Variants in ELP4 observed in about 807,000 individuals in gnomAD.
The protein encoded by ELP4 is elongator complex protein 4.
ELP4 carries 51 observed loss-of-function variants against 48.9 expected under a neutral mutation model. That is an observed-to-expected ratio of 1.04 (90% CI 0.83 to 1.32). The LOEUF is 1.32. Among genes scored for constraint, ELP4 ranks in the 40% most tolerant of loss-of-function variants. ELP4 has a pLI of 0.00. For synonymous variants in ELP4, 210 were observed against 189.2 expected (o/e 1.11, Z -0.90); for missense variants, 519 against 514.6 (o/e 1.01, Z -0.08).
chr11:31,770,564 CAA>C (rs374184259), intron 9 of ELP4, among the ~76,000 whole-genome samples: 118 of 107,470 alleles, frequency 1.1e-3, no homozygotes, highest in African/African-American at 2.6e-3. Context: ...ATAAAATTTC[CAA>C]AAAAAAAAAA....
chr11:31,605,444 A>G (rs1957856980), intron 5 of ELP4, among the ~76,000 whole-genome samples: 1 of 152,098 alleles, frequency 6.6e-6, no homozygotes, highest in South Asian at 2.1e-4. Context: ...TAATTTTCCC[A>G]TAATTTTTCA....
chr11:31,537,274 T>C (rs953266678), intron 2 of ELP4, among the ~76,000 whole-genome samples: 2 of 152,184 alleles, frequency 1.3e-5, no homozygotes, highest in African/African-American at 2.4e-5. Flanking sequence ...GACCATTTGT[T>C]ACAAAAAAAA....
chr11:31,513,358 AAGAAAAAGT>A (rs1956045694), intron 1 of ELP4, among the ~76,000 whole-genome samples: 1 of 152,128 alleles, frequency 6.6e-6, no homozygotes, highest in South Asian at 2.1e-4. Context: ...ATGCTTGGGG[AAGAAAAAGT>A]AGAGTTGTTA....
chr11:31,724,571 C>T (rs2134191358), intron 9 of ELP4, among the ~76,000 whole-genome samples: 1 of 152,330 alleles, frequency 6.6e-6, no homozygotes, highest in East Asian at 1.9e-4. Context: ...TTCTCATTAA[C>T]TTTATTTGTG....
In ELP4 at chr11:31,632,306, C is replaced by T; in HGVS notation, c.828C>T (p.Gly276=). Residue 276 remains glycine (G), a synonymous_variant, in exon 7 of 10, where the codon GGC becomes GGT. Transcript: ENST00000640961. The part of the protein sequence containing the change: ...GDDICCAENG[G]NSHSLTKFLY... ...ATATTTGCTGTGCAGAAAATGGTGG[C>T]AACAGTCACAGCCTTACCAAGTTCC... 6.2e-7 allele frequency: 1 copy of T among 1,613,234 alleles called. No individual in the cohort carries two copies. The highest frequency in any genetic ancestry group is 8.5e-7 in the Non-Finnish European group (1 of 1,179,566).
chr11:31,550,826 T>C (rs1445664095), intron 3 of ELP4, among the ~76,000 whole-genome samples: 1 of 152,170 alleles, frequency 6.6e-6, no homozygotes, highest in Non-Finnish European at 1.5e-5. Context: ...TGTTGTTCTT[T>C]GGCCCTCCAG....
At chr11:31,527,421 A>G (rs1956314251) in intron 2 of ELP4, among the ~76,000 whole-genome samples, 1 of 152,014 alleles carries the variant, frequency 6.6e-6, no homozygotes, top group Non-Finnish European at 1.5e-5. Flanking sequence ...AATATCTTAT[A>G]GACATCTAAA....
At chr11:31,701,344 A>G (rs1042667814) in intron 9 of ELP4, among the ~76,000 whole-genome samples, 9 of 152,122 alleles carry the variant, frequency 5.9e-5, no homozygotes, top group Non-Finnish European at 1.0e-4. Flanking sequence ...TGGGATTTTG[A>G]TAAGCTCCTT....
At chr11:31,704,958 C>T (rs1946600339) in intron 9 of ELP4, among the ~76,000 whole-genome samples, 1 of 150,936 alleles carries the variant, frequency 6.6e-6, no homozygotes, top group South Asian at 2.1e-4. Context: ...TTGTGGTGAG[C>T]TGAGATCGCG....
At chr11:31,772,409 C>T (rs534659921) in intron 9 of ELP4, among the ~76,000 whole-genome samples, 2 of 152,296 alleles carry the variant, frequency 1.3e-5, no homozygotes, top group South Asian at 2.1e-4. Context: ...CGTGAGCCAA[C>T]GCACCCGGCC....
intron 1 of ELP4, among the ~76,000 whole-genome samples, chr11:31,513,900 A>G (rs1161018808): frequency 2.0e-5 from 3 of 152,188 alleles, no homozygotes; most frequent in African/African-American, 4.8e-5. Context: ...TTAAGAAAAA[A>G]TGCCTATTTT....
At chr11:31,723,455 A>G (rs539156250) in intron 9 of ELP4, among the ~76,000 whole-genome samples, 6 of 152,252 alleles carry the variant, frequency 3.9e-5, no homozygotes, top group Admixed American at 1.3e-4. Context: ...CAAACACAGA[A>G]CATTAAACCC....
chr11:31,782,195 C>T (rs1252883082), intron 9 of ELP4, among the ~76,000 whole-genome samples: 2 of 152,156 alleles, frequency 1.3e-5, no homozygotes, highest in Non-Finnish European at 2.9e-5. Flanking sequence ...ATCATGTGCA[C>T]ACAGCTTGTG....
At chr11:31,685,415 A>G (rs987332696) in intron 9 of ELP4, among the ~76,000 whole-genome samples, 3 of 152,174 alleles carry the variant, frequency 2.0e-5, no homozygotes, top group Non-Finnish European at 4.4e-5. Flanking sequence ...AAGTTACTGA[A>G]TAATTTACCC....
intron 3 of ELP4, among the ~76,000 whole-genome samples, chr11:31,549,685 C>G (rs1046395470): frequency 4.6e-5 from 7 of 152,124 alleles, no homozygotes; most frequent in Non-Finnish European, 1.0e-4. Flanking sequence ...GACACATGTA[C>G]ACGTATGTTT....
intron 9 of ELP4, among the ~76,000 whole-genome samples, chr11:31,735,440 C>A (rs1947289950): frequency 6.6e-6 from 1 of 152,200 alleles, no homozygotes; most frequent in Non-Finnish European, 1.5e-5. Flanking sequence ...TCTCTCACCA[C>A]TCCTATTCAA....
In ELP4 at chr11:31,790,228, C is replaced by T; in HGVS notation, c.*6704C>T. ...TATATGTATATATACCTATTGGATCCCAAGTACCCCCCACCCCAATCCAAA... is the reference window on the plus strand; with the variant it reads ...TATATGTATATATACCTATTGGATCTCAAGTACCCCCCACCCCAATCCAAA... On this transcript the variant is annotated 3_prime_UTR_variant, in exon 10 of 10. Coordinates refer to ENST00000640961, the MANE Select transcript of ELP4 (RefSeq NM_019040.5). 1.9e-6 allele frequency: 1 copy of T among 540,306 alleles called. No individual in the cohort carries two copies. Among genetic ancestry groups the T allele is most frequent in the Non-Finnish European group, 3.2e-6 (1 of 315,790 alleles). The allele number at this position is 540,306 out of a possible 1,614,324, so 33.5% of individuals were successfully genotyped here. A position where few individuals can be genotyped will look rare whatever the true frequency, so the allele number is the denominator to read the frequency against.
At chr11:31,709,191 C>T (rs918505232) in intron 9 of ELP4, among the ~76,000 whole-genome samples, 10 of 151,980 alleles carry the variant, frequency 6.6e-5, no homozygotes, top group Admixed American at 4.6e-4. Flanking sequence ...TTACCCAAAA[C>T]CAAGGGTCCT....
intron 9 of ELP4, among the ~76,000 whole-genome samples, chr11:31,682,627 T>A (rs996144351): frequency 6.6e-6 from 1 of 152,222 alleles, no homozygotes; most frequent in Admixed American, 6.5e-5. Flanking sequence ...AATACTACCA[T>A]GTGCCGGGCC....
Sources: allele counts gnomAD v4.1 joint callset (sites outside exome capture counted in the v4.1 genomes callset), GRCh38; gene constraint gnomAD v4.1.1; transcripts MANE v1.5; gene names NCBI Gene and HGNC (gene_info 2026-07-23, HGNC 2026-07-21).